The following SNX29 variants were observed in gnomAD, a reference collection of about 807,000 sequenced individuals.
SNX29 encodes sorting nexin-29.
Under a neutral mutation model 102.1 loss-of-function variants are expected in SNX29, and 78 were observed. That is an observed-to-expected ratio of 0.76 (90% CI 0.64 to 0.92). The LOEUF is 0.92. Among genes scored for constraint, SNX29 ranks in the 40% least tolerant of loss-of-function variants. The pLI is 0.00. For synonymous variants in SNX29, 580 were observed against 414.5 expected (o/e 1.40, Z -4.85); for missense variants, 1,280 against 1,061.7 (o/e 1.21, Z -2.86).
intron 8 of SNX29, among the ~76,000 whole-genome samples, chr16:12,057,178 CA>C: frequency 6.6e-6 from 1 of 152,292 alleles, no homozygotes; most frequent in South Asian, 2.1e-4. Context: ...TAGGGGGAAA[CA>C]TAATTCAGAA....
Position 12,571,165 on chromosome 16 carries a change from C to T in SNX29, c.*2536C>T, listed in dbSNP as rs1439858189. The T allele has an allele frequency of 4.3e-6, 1 of 232,720 alleles. No homozygotes were observed. The highest frequency in any genetic ancestry group is 6.1e-5 in the East Asian group (1 of 16,498). The allele number at this position is 232,720 out of a possible 1,614,324, so 14.4% of individuals were successfully genotyped here. On this transcript the variant is annotated 3_prime_UTR_variant, in exon 21 of 21. Coordinates refer to ENST00000566228, the MANE Select transcript of SNX29 (RefSeq NM_032167.5). ...TCTTGCTGCTCAGAAGAATCCCGTC[C>T]TGCTCTCTAGTGTGGTGGGATGAAC...
chr16:12,544,462 G>A (rs1213521793), intron 20 of SNX29, among the ~76,000 whole-genome samples: 2 of 152,160 alleles, frequency 1.3e-5, no homozygotes, highest in East Asian at 3.9e-4. Flanking sequence ...ATCTCATTCT[G>A]AAGAGGCCGA....
chr16:12,568,310 A>C (rs796619431), intron 20 of SNX29, among the ~76,000 whole-genome samples, 196 bp from the exon 21 acceptor site: 66 of 151,136 alleles, frequency 4.4e-4, no homozygotes, highest in African/African-American at 1.6e-3. Flanking sequence ...CTGTTAAAAA[A>C]AAAAAAATGG....
chr16:12,305,307 T>TC (rs1006622304), intron 15 of SNX29, among the ~76,000 whole-genome samples: 15 of 151,806 alleles, frequency 9.9e-5, no homozygotes, highest in East Asian at 5.8e-4. Flanking sequence ...GTTGCGAAGA[T>TC]CCCCCCCGGC....
chr16:12,002,446 CAAA>C (rs547796469), intron 2 of SNX29, among the ~76,000 whole-genome samples: 10 of 88,410 alleles, frequency 1.1e-4, no homozygotes, highest in South Asian at 3.6e-4. Flanking sequence ...AACTCCATCT[CAAA>C]AAAAAAAAAA....
chr16:12,495,250 C>G (rs999104349), intron 19 of SNX29, among the ~76,000 whole-genome samples: 14 of 152,132 alleles, frequency 9.2e-5, no homozygotes, highest in Admixed American at 3.9e-4. Flanking sequence ...CTCCCAGGTT[C>G]AAGCAATCCT....
intron 18 of SNX29, 57 bp downstream of exon 18, chr16:12,403,586 C>A: frequency 6.7e-7 from 1 of 1,503,460 alleles, no homozygotes; most frequent in South Asian, 1.2e-5. Context: ...GCCCATTTGT[C>A]ATGCTGTGGT....
intron 4 of SNX29, among the ~76,000 whole-genome samples, chr16:12,041,970 G>A (rs2049897621): frequency 6.6e-6 from 1 of 152,182 alleles, no homozygotes; most frequent in Non-Finnish European, 1.5e-5. Context: ...TTTTCTGGAT[G>A]AGAGGTTTTA....
chr16:12,571,395 T>G lies in SNX29; in HGVS notation c.*2766T>G, dbSNP rs1271229092. On this transcript the variant is annotated 3_prime_UTR_variant, in exon 21 of 21. Transcript: ENST00000566228. ...GCGAAGACACCCCTGAGGAAAGGAT[T>G]GCTTGCACCTCACATCTGTCTTCTT... 11 of 231,774 alleles carry G rather than the reference T, an allele frequency of 4.7e-5. No individual in the cohort carries two copies. The highest frequency in any genetic ancestry group is 6.8e-5 in the Non-Finnish European group (8 of 117,370). The allele number at this position is 231,774 out of a possible 1,614,324, so 14.4% of individuals were successfully genotyped here.
At chr16:12,023,918 A>G (rs981750387) in intron 3 of SNX29, among the ~76,000 whole-genome samples, 23 of 152,204 alleles carry the variant, frequency 1.5e-4, no homozygotes, top group Non-Finnish European at 2.2e-4. Flanking sequence ...CATCAGGTTC[A>G]TGATCTTGAG....
At chr16:12,178,508 A>G (rs959919323) in intron 13 of SNX29, among the ~76,000 whole-genome samples, 14 of 152,212 alleles carry the variant, frequency 9.2e-5, no homozygotes, top group Admixed American at 7.8e-4. Flanking sequence ...GAGTCAGCCC[A>G]GGACACAAGG....
intron 19 of SNX29, among the ~76,000 whole-genome samples, chr16:12,490,185 C>A (rs963180946): frequency 7.9e-5 from 12 of 152,178 alleles, no homozygotes; most frequent in African/African-American, 2.9e-4. Context: ...ACAAAATGAA[C>A]ACACCTAGGC....
At chr16:12,326,329 C>CTT (rs35321885) in intron 15 of SNX29, among the ~76,000 whole-genome samples, 119,424 of 141,556 alleles carry the variant, frequency 0.84, 52,169 homozygotes, top group South Asian at 0.98. Context: ...GCTTTTTTGT[C>CTT]TTTTTTTTTT....
intron 19 of SNX29, among the ~76,000 whole-genome samples, chr16:12,498,145 C>T (rs778194046): frequency 6.6e-5 from 10 of 152,168 alleles, no homozygotes; most frequent in African/African-American, 1.4e-4. Flanking sequence ...AGCAGATAGA[C>T]GAATTCCAGG....
intron 15 of SNX29, among the ~76,000 whole-genome samples, chr16:12,280,752 A>G (rs1039195741): frequency 3.9e-5 from 6 of 152,192 alleles, no homozygotes; most frequent in African/African-American, 1.2e-4. Flanking sequence ...AGACCCTCAG[A>G]ACGTTCTTTG....
intron 11 of SNX29, among the ~76,000 whole-genome samples, chr16:12,101,291 C>G (rs116389869): frequency 0.014 from 1,948 of 142,796 alleles, 41 homozygotes; most frequent in African/African-American, 0.045. Flanking sequence ...ACCTTTGTGG[C>G]CCCCCCCAAC....
intron 16 of SNX29, among the ~76,000 whole-genome samples, chr16:12,397,672 C>A (rs2083769452): frequency 6.6e-6 from 1 of 152,170 alleles, no homozygotes; most frequent in Non-Finnish European, 1.5e-5. Context: ...AGAAAAATAT[C>A]AACATTTATT....
At chr16:12,247,974 C>G (rs1054960929) in intron 14 of SNX29, among the ~76,000 whole-genome samples, 1 of 152,200 alleles carries the variant, frequency 6.6e-6, no homozygotes, top group Non-Finnish European at 1.5e-5. Context: ...GCTGACCCCT[C>G]TTCCCCTCCA....
At chr16:12,556,982 G>A (rs942475461) in intron 20 of SNX29, among the ~76,000 whole-genome samples, 5 of 146,034 alleles carry the variant, frequency 3.4e-5, no homozygotes, top group African/African-American at 5.1e-5. Context: ...ATGAGTAGCT[G>A]GACAACAGGT....
Sources: allele counts gnomAD v4.1 joint callset (sites outside exome capture counted in the v4.1 genomes callset), GRCh38; gene constraint gnomAD v4.1.1; transcripts MANE v1.5; gene names NCBI Gene and HGNC (gene_info 2026-07-23, HGNC 2026-07-21).